The following UROC1 variants were observed in gnomAD, a reference collection of about 807,000 sequenced individuals.
UROC1 encodes the protein urocanate hydratase.
Under a neutral mutation model 89.5 loss-of-function variants are expected in UROC1, and 79 were observed. That is an observed-to-expected ratio of 0.88 (90% CI 0.74 to 1.06). The LOEUF (loss-of-function observed/expected upper bound fraction) is 1.06. Among genes scored for constraint, UROC1 ranks in the 50% least tolerant of loss-of-function variants. UROC1 has a pLI of 0.00. For synonymous variants in UROC1, 361 were observed against 354.8 expected (o/e 1.02, Z -0.20); for missense variants, 885 against 907.8 (o/e 0.97, Z 0.32).
rs1421718223 is a variant in UROC1, at chr3:126,498,130, G to A, written c.1359C>T (p.Cys453=). Reference sequence around the variant, plus strand: ...CCAGGTCCTGGGGGTCCCCCGATGTGCACACCCAGCGGAAAGGCCCAAATC... The same window carrying A: ...CCAGGTCCTGGGGGTCCCCCGATGTACACACCCAGCGGAAAGGCCCAAATC... ...SQGFGPFRWV[C]TSGDPQDLAV... is the part of the protein sequence containing the mutation. Residue 453 remains cysteine, a synonymous_variant, in exon 14 of 20, where the codon TGC becomes TGT. Coordinates refer to ENST00000290868, the MANE Select transcript of UROC1 (RefSeq NM_144639.3). 6.2e-7 allele frequency: 1 copy of A among 1,614,078 alleles called. No homozygotes were observed. Among genetic ancestry groups the A allele is most frequent in the Non-Finnish European group, 8.5e-7 (1 of 1,180,034 alleles).
chr3:126,482,428 T>C lies in UROC1; in HGVS notation c.1948A>G (p.Met650Val), dbSNP rs777138050. The change falls in exon 20 of 20, where the codon ATG (methionine) becomes GTG (valine). Residue 650 changes from methionine to valine, a missense_variant. By Grantham distance (21) the Met-to-Val change is conservative (BLOSUM62 1). Coordinates refer to ENST00000290868, the MANE Select transcript of UROC1 (RefSeq NM_144639.3). ...QKAYEIICQT[M>V]QENSTLVVTL... ...ACCACCAAGGTGCTGTTCTCCTGCA[T>C]GGTCTGGCAGATGATCTCATAGGCC... 9 of 1,614,036 alleles carry C rather than the reference T, an allele frequency of 5.6e-6. No individual in the cohort carries two copies. The highest frequency in any genetic ancestry group is 1.1e-5 in the South Asian group (1 of 91,080).
chr3:126,512,723 A>G (rs559544535), intron 1 of UROC1, among the ~76,000 whole-genome samples: 1 of 152,270 alleles, frequency 6.6e-6, no homozygotes, highest in South Asian at 2.1e-4. Flanking sequence ...CTGTCTCTAA[A>G]ATGTATACAT....
intron 9 of UROC1, chr3:126,501,757 G>A (rs759388273): frequency 2.8e-5 from 45 of 1,590,588 alleles, no homozygotes; most frequent in Non-Finnish European, 3.5e-5. Flanking sequence ...CAATGCACAG[G>A]GAAGGTGGTA....
intron 18 of UROC1, 141 bp downstream of exon 18, chr3:126,488,057 C>T (rs1935556392): frequency 1.1e-6 from 1 of 930,262 alleles, no homozygotes; most frequent in Non-Finnish European, 1.8e-6. Flanking sequence ...GCAAGGAACA[C>T]ATTTTCCACA....
intron 8 of UROC1, among the ~76,000 whole-genome samples, 180 bp from the exon 9 acceptor site, chr3:126,504,263 C>T (rs1054766051): frequency 6.6e-6 from 1 of 152,150 alleles, no homozygotes; most frequent in African/African-American, 2.4e-5. Context: ...CTCCCACCTC[C>T]CTTATAAGCA....
At chr3:126,500,516 A>G (rs1388639194) in intron 11 of UROC1, among the ~76,000 whole-genome samples, 179 bp downstream of exon 11, 1 of 152,188 alleles carries the variant, frequency 6.6e-6, no homozygotes, top group African/African-American at 2.4e-5. Flanking sequence ...GTCCCCCTGC[A>G]CTGCCGAGAG....
rs1935407782 is a variant in UROC1 at position 126,482,357 on chromosome 3, G to A, written c.2019C>T (p.Ala673=). Residue 673 remains alanine, a synonymous_variant, in exon 20 of 20, where the codon GCC becomes GCT. Transcript: ENST00000290868. ...KVEDERVLQQ[A]LQL ...ACTCCTGGCTCCCTCAGAGCTGCAG[G>A]GCCTGCTGGAGCACCCGCTCGTCCT... 1.2e-5 allele frequency: 20 copies of A among 1,613,260 alleles called. No individual in the cohort carries two copies. The highest frequency in any genetic ancestry group is 1.6e-5 in the Non-Finnish European group (19 of 1,179,878).
chr3:126,495,976 C>T, intron 15 of UROC1, 62 bp downstream of exon 15: 1 of 1,543,710 alleles, frequency 6.5e-7, no homozygotes, highest in South Asian at 1.2e-5. Context: ...AGCAGCACCT[C>T]ACCTTTGGGC....
At chr3:126,490,653 G>A (rs376748241) in intron 16 of UROC1, among the ~76,000 whole-genome samples, 11 of 151,908 alleles carry the variant, frequency 7.2e-5, no homozygotes, top group African/African-American at 1.9e-4. Flanking sequence ...CCTGGGCTAT[G>A]GAGTGAGTCT....
At position 126,510,756 on chromosome 3, in the gene UROC1, A is replaced by G; in HGVS notation, c.165T>C (p.Asp55=). 6.2e-7 allele frequency: 1 copy of G among 1,614,072 alleles called. No individual in the cohort carries two copies. Among genetic ancestry groups the G allele is most frequent in the Non-Finnish European group, 8.5e-7 (1 of 1,180,024 alleles). Residue 55 remains aspartate (D), a synonymous_variant, in exon 2 of 20, where the codon GAT becomes GAC. Coordinates refer to ENST00000290868, the MANE Select transcript of UROC1 (RefSeq NM_144639.3). ...LRNALRYFPP[D]VQELLAPEFA... ...ACTCTGGGGCCAGCAGCTCCTGGACATCCGGGGGGAAGTAGCGCAGGGCGT... is the reference window on the plus strand; with the variant it reads ...ACTCTGGGGCCAGCAGCTCCTGGACGTCCGGGGGGAAGTAGCGCAGGGCGT...
chr3:126,493,687 T>C (rs1399974058), intron 15 of UROC1, among the ~76,000 whole-genome samples: 3 of 152,230 alleles, frequency 2.0e-5, no homozygotes. Flanking sequence ...TGAATGTGCT[T>C]GAAGCCACTG....
chr3:126,502,127 C>T (rs565228165), intron 9 of UROC1, among the ~76,000 whole-genome samples: 116 of 152,040 alleles, frequency 7.6e-4, no homozygotes, highest in South Asian at 6.2e-3. Context: ...TGTATATATG[C>T]GTGTATATGC....
At chr3:126,514,828 T>C (rs1936264797) in intron 1 of UROC1, among the ~76,000 whole-genome samples, 1 of 152,006 alleles carries the variant, frequency 6.6e-6, no homozygotes, top group Non-Finnish European at 1.5e-5. Flanking sequence ...GTCATTGTTT[T>C]CATCTTCAGC....
At position 126,496,056 on chromosome 3, in the gene UROC1, C is replaced by T. The variant is rs771307682; in HGVS notation, c.1491G>A (p.Glu497=). Residue 497 remains glutamate (E), a synonymous_variant, in exon 15 of 20, where the codon GAG becomes GAA. Coordinates refer to ENST00000290868, the MANE Select transcript of UROC1 (RefSeq NM_144639.3). ...CCCTCACCAGCCGGTGCCTGGCGGC[C>T]TCCCGGATCCAGCGGATGTTGTCCA... The part of the protein sequence containing the change: ...QYMDNIRWIR[E]AARHRLVVGS... The T allele has an allele frequency of 2.7e-5, 43 of 1,613,282 alleles. No individual in the cohort carries two copies. Among genetic ancestry groups the T allele is most frequent in the Non-Finnish European group, 3.5e-5 (41 of 1,180,014 alleles).
At chr3:126,505,657 G>C (rs1277285594) in intron 8 of UROC1, 44 bp downstream of exon 8, 2 of 1,435,460 alleles carry the variant, frequency 1.4e-6, no homozygotes, top group Admixed American at 1.8e-5. Context: ...GGGAGGGAGG[G>C]AGGGAGGCAG....
At chr3:126,494,990 C>T (rs780318751) in intron 15 of UROC1, among the ~76,000 whole-genome samples, 4 of 152,270 alleles carry the variant, frequency 2.6e-5, no homozygotes, top group East Asian at 1.9e-4. Context: ...GAGGGCGTGG[C>T]GCTCAGAGAG....
chr3:126,504,215 G>A (rs936349935), intron 8 of UROC1, 132 bp from the exon 9 acceptor site: 1 of 867,052 alleles, frequency 1.2e-6, no homozygotes, highest in Non-Finnish European at 1.9e-6. Context: ...CAGTCTCAGG[G>A]AAGACACCAT....
In UROC1 at chr3:126,501,909, G is replaced by A. The variant is rs367807872; in HGVS notation, c.903-629C>T. On this transcript the variant is annotated intron_variant, in intron 9 of 19. Transcript: ENST00000290868. ...ACAGTCCCAGGGCAGCAGGGAGGCC[G>A]GCCCAGCCCAGGGCTTGTTGCAATC... 2,225 of 1,599,080 alleles carry A rather than the reference G, an allele frequency of 1.4e-3. 41 individuals are homozygous for A. The South Asian group carries it at 0.022, about 16-fold the overall frequency.
At chr3:126,506,516 G>T (rs1311334973) in intron 6 of UROC1, among the ~76,000 whole-genome samples, 1 of 152,154 alleles carries the variant, frequency 6.6e-6, no homozygotes. Context: ...GGAGGCAAAA[G>T]GGTTAAATAA....
Sources: gnomAD v4.1 joint callset for allele counts (sites outside exome capture counted in the v4.1 genomes callset) on GRCh38, gnomAD v4.1.1 for gene constraint, MANE v1.5 for transcripts, NCBI Gene and HGNC (gene_info 2026-07-23, HGNC 2026-07-21) for gene names.